The following ACOX3 variants were observed in gnomAD, a reference collection of about 807,000 sequenced individuals.
ACOX3 encodes peroxisomal acyl-coenzyme A oxidase 3.
Under a neutral mutation model 81.5 loss-of-function variants are expected in ACOX3, and 73 were observed. The observed-to-expected ratio is 0.90, with a 90% CI of 0.74 to 1.09. ACOX3 has a LOEUF of 1.09. Among genes scored for constraint, ACOX3 ranks in the 50% least tolerant of loss-of-function variants. ACOX3 has a pLI of 0.00. For synonymous variants in ACOX3, 387 were observed against 375.1 expected, an observed-to-expected ratio of 1.03 and a Z score of -0.37; for missense variants, 947 against 928.0, an observed-to-expected ratio of 1.02 and a Z score of -0.27.
intron 1 of ACOX3, among the ~76,000 whole-genome samples, chr4:8,424,554 G>A (rs1480833415): frequency 5.9e-5 from 9 of 152,306 alleles, no homozygotes; most frequent in Non-Finnish European, 1.0e-4. Context: ...AAATGATACA[G>A]GGAAGAGATC....
chr4:8,374,773 T>C (rs2108800279), intron 15 of ACOX3: 3 of 486,814 alleles, frequency 6.2e-6, no homozygotes, highest in East Asian at 6.8e-5. Flanking sequence ...GAAAGAAAAA[T>C]TGGGTTTCTC....
At chr4:8,396,805 G>T in intron 9 of ACOX3, 132 bp downstream of exon 9, 1 of 1,077,414 alleles carries the variant, frequency 9.3e-7, no homozygotes, top group Non-Finnish European at 1.3e-6. Flanking sequence ...CCGCACTCCC[G>T]CTAACTAATC....
At chr4:8,392,639 C>T (rs1028679795) in intron 10 of ACOX3, among the ~76,000 whole-genome samples, 186 bp from the exon 11 acceptor site, 1 of 152,230 alleles carries the variant, frequency 6.6e-6, no homozygotes, top group Non-Finnish European at 1.5e-5. Flanking sequence ...AGTATGGATA[C>T]ACTGTGGTAC....
At chr4:8,434,574 C>T (rs1724123620) in intron 1 of ACOX3, among the ~76,000 whole-genome samples, 1 of 152,256 alleles carries the variant, frequency 6.6e-6, no homozygotes, top group African/African-American at 2.4e-5. Context: ...CATGGCAAGC[C>T]CCCGTGGAGG....
At chr4:8,397,330 A>G (rs10938712) in intron 8 of ACOX3, among the ~76,000 whole-genome samples, 59,277 of 152,146 alleles carry the variant, frequency 0.39, 14,108 homozygotes, top group African/African-American at 0.68. Context: ...TGGGGGTGCC[A>G]GGGAGGGGAC....
At chr4:8,393,490 A>AAAACAAACAAACAAACAAAC (rs138758419) in intron 10 of ACOX3, among the ~76,000 whole-genome samples, 3 of 130,454 alleles carry the variant, frequency 2.3e-5, no homozygotes, top group African/African-American at 9.9e-5. Flanking sequence ...CTCCGTCTCA[A>AAAACAAACAAACAAACAAAC]AAACAAACAA....
chr4:8,386,113 G>T lies in ACOX3; in HGVS notation c.1537+3060C>A, dbSNP rs917606348. 6.6e-6 allele frequency among the ~76,000 whole-genome samples: 1 copy of T among 152,196 alleles called. No individual in the cohort carries two copies. The highest frequency in any genetic ancestry group is 2.4e-5 in the African/African-American group (1 of 41,452). ...CAGGGGAAGGGGAGGGAAGAGCAGAGCGTGATGGGCACATGGAGAAGCTGG... is the reference window on the plus strand; with the variant it reads ...CAGGGGAAGGGGAGGGAAGAGCAGATCGTGATGGGCACATGGAGAAGCTGG... On this transcript the variant is annotated intron_variant, in intron 13 of 17. Coordinates refer to ENST00000356406, the MANE Select transcript of ACOX3 (RefSeq NM_003501.3). The surrounding 1 kb of genome is among the most constrained non-coding windows in gnomAD (Gnocchi z 5.2).
Position 8,394,928 on chromosome 4 carries a change from A to G in ACOX3, c.1057-186T>C, listed in dbSNP as rs1719521246. ...ACCCTGACACGCTCTCAACTCAGCCAGTTCGGCTTTCACCCATAGCCCTTG... is the reference window on the plus strand; with the variant it reads ...ACCCTGACACGCTCTCAACTCAGCCGGTTCGGCTTTCACCCATAGCCCTTG... On this transcript the variant is annotated intron_variant, in intron 9 of 17. Transcript: ENST00000356406. The surrounding 1 kb of genome is among the most constrained non-coding windows in gnomAD (Gnocchi z 5.9). The G allele has an allele frequency of 2.6e-6, 2 of 755,536 alleles. No individual in the cohort carries two copies. Among genetic ancestry groups the G allele is most frequent in the African/African-American group, 3.5e-5 (2 of 56,384 alleles). The allele number at this position is 755,536 out of a possible 1,614,324, so 46.8% of individuals were successfully genotyped here.
intron 8 of ACOX3, among the ~76,000 whole-genome samples, chr4:8,397,833 C>T (rs1719894479): frequency 6.6e-6 from 1 of 152,254 alleles, no homozygotes; most frequent in Admixed American, 6.5e-5. Flanking sequence ...ATTAATCACA[C>T]TCTCACATAG....
At chr4:8,403,438 G>A (rs1006481021) in intron 7 of ACOX3, among the ~76,000 whole-genome samples, 3 of 152,114 alleles carry the variant, frequency 2.0e-5, no homozygotes, top group Non-Finnish European at 2.9e-5. Context: ...GCATCACCCC[G>A]GCTGGCTCCC....
chr4:8,370,880 C>G lies in ACOX3; in HGVS notation c.1983+28G>C. 3.1e-6 allele frequency: 5 copies of G among 1,605,676 alleles called. No homozygotes were observed. Among genetic ancestry groups the G allele is most frequent in the Non-Finnish European group, 4.3e-6 (5 of 1,173,464 alleles). ...GAAATGCCCATCAACCCTTGGGGCA[C>G]TCCCGTGAGGCCCTGTCCTCCCTTT... On this transcript the variant is annotated intron_variant, in intron 17 of 17. Transcript: ENST00000356406. This position sits in a 1 kb window ranked among gnomAD's most constrained non-coding sequence, Gnocchi z 6.3.
In ACOX3 at chr4:8,397,082, A is replaced by G. The variant is rs1719791137; in HGVS notation, c.911T>C (p.Leu304Pro). 1 of 1,594,582 alleles carries G rather than the reference A, an allele frequency of 6.3e-7. No homozygotes were observed. The highest frequency in any genetic ancestry group is 8.5e-7 in the Non-Finnish European group (1 of 1,171,990). Residue 304 changes from leucine to proline, a missense_variant, in exon 9 of 18, where the codon CTG becomes CCG. Transcript: ENST00000356406. Reference sequence around the variant, plus strand: ...CACGATGGAGACCCGGCCCGAGGACAGGCTCCCCAGGGACGCTCCAAAGCG... The same window carrying G: ...CACGATGGAGACCCGGCCCGAGGACGGGCTCCCCAGGGACGCTCCAAAGCG... ...RQRFGASLGSLSSGRVSIVSL... is the reference protein window; with the variant it reads ...RQRFGASLGSPSSGRVSIVSL...
rs1311546831 is a variant in ACOX3 at position 8,366,961 on chromosome 4, C to T, written c.2103G>A (p.Ter701=). The change falls in exon 18 of 18, where the codon TAG becomes TAA. Residue 701 remains the stop codon, a stop_retained_variant. Coordinates refer to ENST00000356406, the MANE Select transcript of ACOX3 (RefSeq NM_003501.3). Reference sequence around the variant, plus strand: ...CTTGGCTGAATGTGTGCCAGTCCCACTAGAGCTTCGATTTCAGACTTCCTA... The same window carrying T: ...CTTGGCTGAATGTGTGCCAGTCCCATTAGAGCTTCGATTTCAGACTTCCTA... ...PVIGSLKSKL[*] 3 of 1,613,738 alleles carry T rather than the reference C, an allele frequency of 1.9e-6. No homozygotes were observed. The highest frequency in any genetic ancestry group is 1.3e-5 in the African/African-American group (1 of 74,922).
Position 8,382,768 on chromosome 4 carries a change from G to A in ACOX3, c.1538-1161C>T, listed in dbSNP as rs889226119. On this transcript the variant is annotated intron_variant, in intron 13 of 17. Coordinates refer to ENST00000356406, the MANE Select transcript of ACOX3 (RefSeq NM_003501.3). This position sits in a 1 kb window ranked among gnomAD's most constrained non-coding sequence, Gnocchi z 4.1. ...AGCACTTTGGGAGGCAGAGGCGGGCGGATCACGAGGTCAGGAGATCGAGAC... is the reference window on the plus strand; with the variant it reads ...AGCACTTTGGGAGGCAGAGGCGGGCAGATCACGAGGTCAGGAGATCGAGAC... 3.3e-5 allele frequency among the ~76,000 whole-genome samples: 5 copies of A among 152,114 alleles called. No individual in the cohort carries two copies. Among genetic ancestry groups the A allele is most frequent in the East Asian group, 1.9e-4 (1 of 5,140 alleles).
chr4:8,405,575 C>A lies in ACOX3; in HGVS notation c.776+380G>T, dbSNP rs535873627. On this transcript the variant is annotated intron_variant, in intron 7 of 17. Transcript: ENST00000356406. This position sits in a 1 kb window ranked among gnomAD's most constrained non-coding sequence, Gnocchi z 7.1. Reference sequence around the variant, plus strand: ...GCAGAAACTGCAGATATGGGTCCCTCGAGATCAGCATGGATGTGTGCAGAG... The same window carrying A: ...GCAGAAACTGCAGATATGGGTCCCTAGAGATCAGCATGGATGTGTGCAGAG... Among the ~76,000 whole-genome samples the A allele has an allele frequency of 6.6e-6, 1 of 152,238 alleles. No homozygotes were observed. Among genetic ancestry groups the A allele is most frequent in the Non-Finnish European group, 1.5e-5 (1 of 68,040 alleles).
chr4:8,439,855 T>C (rs938117759), intron 1 of ACOX3, among the ~76,000 whole-genome samples: 1 of 152,184 alleles, frequency 6.6e-6, no homozygotes, highest in Non-Finnish European at 1.5e-5. Flanking sequence ...AGGAGACCAC[T>C]ACTACTCCTG....
Position 8,371,114 on chromosome 4 carries a change from G to A in ACOX3, c.1897-120C>T, listed in dbSNP as rs189220773. ...TAGCAACGGGTCACCTGAGCGGCACGTGCGGCTCTGCTGCCCATGCGTGAT... is the reference window on the plus strand; with the variant it reads ...TAGCAACGGGTCACCTGAGCGGCACATGCGGCTCTGCTGCCCATGCGTGAT... On this transcript the variant is annotated intron_variant, in intron 16 of 17. Coordinates refer to ENST00000356406, the MANE Select transcript of ACOX3 (RefSeq NM_003501.3). 4.8e-5 allele frequency: 39 copies of A among 816,532 alleles called. No individual in the cohort carries two copies. The Middle Eastern group carries it at 7.0e-4, about 15-fold the overall frequency. The allele number at this position is 816,532 out of a possible 1,614,324, so 50.6% of individuals were successfully genotyped here. A position where few individuals can be genotyped will look rare whatever the true frequency, so the allele number is the denominator to read the frequency against.
In ACOX3 at chr4:8,424,774, AC is replaced by A. The variant is rs1295172535; in HGVS notation, c.-14-8240del. On this transcript the variant is annotated intron_variant, in intron 1 of 17. Coordinates refer to ENST00000356406, the MANE Select transcript of ACOX3 (RefSeq NM_003501.3). Reference sequence around the variant, plus strand: ...TAACTGTCAACAGGTGATTGCTCAAACCTACGCCGCTCGAGGGGACCTTCTA... The same window carrying A: ...TAACTGTCAACAGGTGATTGCTCAAACTACGCCGCTCGAGGGGACCTTCTA... 5.3e-5 allele frequency among the ~76,000 whole-genome samples: 8 copies of A among 152,324 alleles called. No individual in the cohort carries two copies. In the South Asian group the frequency reaches 1.7e-3, roughly 32 times the overall value.
intron 11 of ACOX3, among the ~76,000 whole-genome samples, chr4:8,390,099 T>A: frequency 8.6e-6 from 1 of 116,838 alleles, no homozygotes; most frequent in African/African-American, 5.0e-5. Context: ...CAAGACCCTG[T>A]CTCAACAACA....
Sources: allele counts gnomAD v4.1 joint callset (sites outside exome capture counted in the v4.1 genomes callset), GRCh38; gene constraint gnomAD v4.1.1; non-coding constraint Gnocchi (gnomAD v3.1); transcripts MANE v1.5; gene names NCBI Gene and HGNC (gene_info 2026-07-23, HGNC 2026-07-21).